The following ABCC2 variants were observed in gnomAD, a reference collection of about 807,000 sequenced individuals.
The protein encoded by ABCC2 is ATP-binding cassette sub-family C member 2.
In ABCC2, 157 loss-of-function variants were observed where a neutral mutation model predicts 173.4. That is an observed-to-expected ratio of 0.91 (90% CI 0.80 to 1.03). The LOEUF (loss-of-function observed/expected upper bound fraction) is 1.03, where lower values mean the gene tolerates loss of function less well. ABCC2 is among the 50% of genes least tolerant of loss of function. The pLI is 0.00. For synonymous variants in ABCC2, 657 were observed against 693.5 expected (o/e 0.95, Z 0.83); for missense variants, 1,822 against 1,852.3 (o/e 0.98, Z 0.30).
At chr10:99,814,779 GTA>G (rs2038370820) in intron 16 of ABCC2, among the ~76,000 whole-genome samples, 1 of 118,294 alleles carries the variant, frequency 8.5e-6, no homozygotes, top group Non-Finnish European at 1.7e-5. Context: ...GTGTGTGTAT[GTA>G]TATACACACA....
In ABCC2 at chr10:99,814,224, CACACAT is replaced by C. The variant is rs2038291882; in HGVS notation, c.2094+1081_2094+1086del. On this transcript the variant is annotated intron_variant, in intron 16 of 31. Coordinates refer to ENST00000647814, the MANE Select transcript of ABCC2 (RefSeq NM_000392.5). ...ATATATACACACATGTGTATATATA[CACACAT>C]GTGTATATATGCACACACGTATGTA... 5.4e-5 allele frequency among the ~76,000 whole-genome samples: 4 copies of C among 73,830 alleles called. 1 individual carries two copies. The highest frequency in any genetic ancestry group is 8.2e-4 in the South Asian group (2 of 2,434). The allele number at this position is 73,830 out of a possible 152,430, so 48.4% of individuals were successfully genotyped here. A position where few individuals can be genotyped will look rare whatever the true frequency, so the allele number is the denominator to read the frequency against.
chr10:99,810,047 A>G, intron 13 of ABCC2, 87 bp from the exon 14 acceptor site: 3 of 1,278,880 alleles, frequency 2.3e-6, no homozygotes, highest in Non-Finnish European at 3.4e-6. Context: ...GCAAATAGAA[A>G]ATCATGGACT....
chr10:99,795,750 A>G (rs868105163), intron 6 of ABCC2, among the ~76,000 whole-genome samples: 1 of 109,592 alleles, frequency 9.1e-6, no homozygotes, highest in Non-Finnish European at 1.9e-5. Flanking sequence ...AAAGAAAGAA[A>G]GAAAGAAAGA....
intron 3 of ABCC2, among the ~76,000 whole-genome samples, chr10:99,793,129 A>T (rs2073336): frequency 0.38 from 57,282 of 151,892 alleles, 11,262 homozygotes; most frequent in Middle Eastern, 0.5. Flanking sequence ...AAGATTTTTT[A>T]AAAAAATTAA....
intron 9 of ABCC2, 127 bp downstream of exon 9, chr10:99,800,690 C>T: frequency 1.9e-6 from 2 of 1,070,158 alleles, no homozygotes; most frequent in East Asian, 2.5e-5. Flanking sequence ...ACTGGCCATA[C>T]AGCCTCCTTT....
chr10:99,824,532 G>A (rs879828630), intron 19 of ABCC2, among the ~76,000 whole-genome samples: 1,832 of 117,904 alleles, frequency 0.016, no homozygotes, highest in South Asian at 0.038. Context: ...ACCTACAAAA[G>A]TCTGACAAAT....
intron 1 of ABCC2, among the ~76,000 whole-genome samples, chr10:99,784,097 C>G (rs1434503634): frequency 3.3e-5 from 5 of 150,384 alleles, no homozygotes; most frequent in African/African-American, 1.2e-4. Flanking sequence ...ATGCTGTTGT[C>G]ACTGCTGTGC....
intron 16 of ABCC2, 124 bp downstream of exon 16, chr10:99,813,268 T>C: frequency 7.7e-7 from 1 of 1,294,138 alleles, no homozygotes. Context: ...CCGATAGATT[T>C]GTGGACTGTG....
In ABCC2 at chr10:99,831,743, G is replaced by A; in HGVS notation, c.3016G>A (p.Asp1006Asn). Residue 1006 changes from aspartate (D) to asparagine (N), a missense_variant, in exon 22 of 32, where the codon GAC (aspartate) becomes AAC (asparagine). Transcript: ENST00000647814. ...SNLWLSAWTS[D>N]SKIFNSTDYP... is the part of the protein sequence containing the mutation. Reference sequence around the variant, plus strand: ...CCTCTGGCTCAGTGCTTGGACCAGTGACTCTAAAATCTTCAATAGCACCGA... The same window carrying A: ...CCTCTGGCTCAGTGCTTGGACCAGTAACTCTAAAATCTTCAATAGCACCGA... The A allele has an allele frequency of 6.2e-7, 1 of 1,614,194 alleles. No individual in the cohort carries two copies. The highest frequency in any genetic ancestry group is 8.5e-7 in the Non-Finnish European group (1 of 1,180,014).
chr10:99,805,279 A>G, intron 10 of ABCC2, 103 bp from the exon 11 acceptor site: 2 of 1,008,650 alleles, frequency 2.0e-6, no homozygotes, highest in Non-Finnish European at 1.5e-6. Context: ...AGTTCTTACT[A>G]AGTGACAGCC....
chr10:99,849,871 C>T (rs1322344131), intron 30 of ABCC2, among the ~76,000 whole-genome samples: 2 of 152,192 alleles, frequency 1.3e-5, no homozygotes, highest in Non-Finnish European at 2.9e-5. Flanking sequence ...CTGAATATTT[C>T]CTTCACATCA....
Position 99,842,065 on chromosome 10 carries a change from T to G in ABCC2, c.3713T>G (p.Val1238Gly). The G allele has an allele frequency of 6.2e-7, 1 of 1,614,242 alleles. No homozygotes were observed. The highest frequency in any genetic ancestry group is 8.5e-7 in the Non-Finnish European group (1 of 1,180,042). ...IYRDTLSGDT[V>G]GFVLSNALNI... is the part of the protein sequence containing the mutation. ...AGAGATACCCTAAGTGGGGACACTGTTGGCTTTGTTCTGTCCAATGCACTC... is the reference window on the plus strand; with the variant it reads ...AGAGATACCCTAAGTGGGGACACTGGTGGCTTTGTTCTGTCCAATGCACTC... The change falls in exon 26 of 32, where the codon GTT (valine) becomes GGT (glycine). Residue 1238 changes from valine (V) to glycine (G), a missense_variant. Val to Gly is a moderately radical substitution (Grantham distance 109). Transcript: ENST00000647814.
In ABCC2 at chr10:99,834,248, A is replaced by G. The variant is rs1404938238; in HGVS notation, c.3259-132A>G. ...GCAATGCAGCCTATTGCAAATGAACACAATGAAATGATTACATGAAGGAGT... is the reference window on the plus strand; with the variant it reads ...GCAATGCAGCCTATTGCAAATGAACGCAATGAAATGATTACATGAAGGAGT... On this transcript the variant is annotated intron_variant, in intron 23 of 31. Coordinates refer to ENST00000647814, the MANE Select transcript of ABCC2 (RefSeq NM_000392.5). 3 of 937,858 alleles carry G rather than the reference A, an allele frequency of 3.2e-6. No individual in the cohort carries two copies. In the African/African-American group the frequency reaches 4.9e-5, roughly 15 times the overall value. 58.1% of individuals were successfully genotyped at this position (937,858 alleles called of 1,614,324 possible).
At chr10:99,814,248 C>T (rs189066237) in intron 16 of ABCC2, among the ~76,000 whole-genome samples, 844 of 29,752 alleles carry the variant, frequency 0.028, 153 homozygotes, top group African/African-American at 0.084. Context: ...TATGCACACA[C>T]GTATGTATAC....
intron 14 of ABCC2, among the ~76,000 whole-genome samples, 194 bp downstream of exon 14, chr10:99,810,412 T>C (rs1417274627): frequency 1.3e-5 from 2 of 152,240 alleles, no homozygotes; most frequent in East Asian, 3.9e-4. Flanking sequence ...ACTAGATTGC[T>C]AAGTAAAGCT....
rs758162018 is a variant in ABCC2, at chr10:99,807,405, G to A, written c.1552G>A (p.Glu518Lys). ...GIKILKYFAW[E>K]PSFRDQVQNL... Reference sequence around the variant, plus strand: ...TTAGATCCTGAAATATTTTGCCTGGGAACCTTCATTCAGAGACCAAGTACA... The same window carrying A: ...TTAGATCCTGAAATATTTTGCCTGGAAACCTTCATTCAGAGACCAAGTACA... Residue 518 changes from glutamate (E) to lysine (K), a missense_variant, in exon 12 of 32, where the codon GAA becomes AAA. Coordinates refer to ENST00000647814, the MANE Select transcript of ABCC2 (RefSeq NM_000392.5). 6.2e-7 allele frequency: 1 copy of A among 1,614,102 alleles called. No individual in the cohort carries two copies. The highest frequency in any genetic ancestry group is 8.5e-7 in the Non-Finnish European group (1 of 1,179,988).
chr10:99,850,778 C>T lies in ABCC2; in HGVS notation c.4490C>T (p.Thr1497Ile). ...ATCACCATCGCCCACAGGCTGCACA[C>T]CATCATGGACAGTGACAAGTGAGTG... ...TVITIAHRLH[T>I]IMDSDKVMVL... The change falls in exon 31 of 32, where the codon ACC becomes ATC. Residue 1497 changes from threonine (T) to isoleucine (I), a missense_variant. Physicochemically the swap from Thr to Ile is moderately conservative, Grantham distance 89. Transcript: ENST00000647814. 6.2e-7 allele frequency: 1 copy of T among 1,614,194 alleles called. No individual in the cohort carries two copies. The highest frequency in any genetic ancestry group is 1.3e-5 in the African/African-American group (1 of 75,038).
intron 24 of ABCC2, among the ~76,000 whole-genome samples, chr10:99,834,912 T>G (rs561439475): frequency 1.3e-5 from 2 of 152,348 alleles, no homozygotes; most frequent in African/African-American, 4.8e-5. Flanking sequence ...CATGCTATGG[T>G]GCTTCCTTGG....
At chr10:99,785,100 T>A (rs1319465407) in intron 2 of ABCC2, among the ~76,000 whole-genome samples, 1 of 152,178 alleles carries the variant, frequency 6.6e-6, no homozygotes, top group Non-Finnish European at 1.5e-5. Flanking sequence ...TTTAAACAGC[T>A]CTAATAAATC....
Sources: gnomAD v4.1 joint callset for allele counts (sites outside exome capture counted in the v4.1 genomes callset) on GRCh38, gnomAD v4.1.1 for gene constraint, MANE v1.5 for transcripts, NCBI Gene and HGNC (gene_info 2026-07-23, HGNC 2026-07-21) for gene names.